The following WWTR1 variants were observed in gnomAD, a reference collection of about 807,000 sequenced individuals.
WWTR1 encodes the protein WW domain-containing transcription regulator protein 1.
WWTR1 carries 13 observed loss-of-function variants against 40.1 expected under a neutral mutation model. The ratio of observed to expected loss-of-function variants is 0.32; its 90% confidence interval spans 0.21 to 0.52. The LOEUF (loss-of-function observed/expected upper bound fraction) is 0.52. Among genes scored for constraint, WWTR1 ranks in the 20% least tolerant of loss-of-function variants. The pLI, the probability that WWTR1 is intolerant of heterozygous loss-of-function variation, is 0.97. For synonymous variants in WWTR1, 230 were observed against 210.1 expected (o/e 1.09, Z -0.82); for missense variants, 436 against 523.1 (o/e 0.83, Z 1.63).
chr3:149,647,300 C>T (rs1359073245), intron 2 of WWTR1, among the ~76,000 whole-genome samples: 7 of 149,968 alleles, frequency 4.7e-5, no homozygotes, highest in Non-Finnish European at 8.9e-5. Flanking sequence ...TCTTTAAAAA[C>T]TTTTTTTTTT....
intron 2 of WWTR1, among the ~76,000 whole-genome samples, chr3:149,634,259 T>A (rs533180235): frequency 3.3e-5 from 5 of 152,206 alleles, no homozygotes; most frequent in Admixed American, 1.3e-4. Flanking sequence ...ACATCAGTTT[T>A]CTGAGCAAAG....
chr3:149,565,114 G>A (rs1737249315), intron 3 of WWTR1, among the ~76,000 whole-genome samples: 1 of 151,014 alleles, frequency 6.6e-6, no homozygotes, highest in African/African-American at 2.4e-5. Flanking sequence ...TTGAACCTGG[G>A]AGGCAGAGGT....
chr3:149,711,979 G>A (rs1408215176), intron 5 of WWTR1, among the ~76,000 whole-genome samples: 1 of 152,078 alleles, frequency 6.6e-6, no homozygotes, highest in Non-Finnish European at 1.5e-5. Context: ...TTAACTTCTT[G>A]AAATCAAAGA....
At chr3:149,569,901 C>T (rs1293177376) in intron 3 of WWTR1, among the ~76,000 whole-genome samples, 1 of 152,142 alleles carries the variant, frequency 6.6e-6, no homozygotes, top group Non-Finnish European at 1.5e-5. Flanking sequence ...CCTCAAACTC[C>T]TATGCCCAAG....
At chr3:149,698,384 C>T (rs984787860) in intron 1 of WWTR1, among the ~76,000 whole-genome samples, 1 of 152,250 alleles carries the variant, frequency 6.6e-6, no homozygotes, top group African/African-American at 2.4e-5. Context: ...GCCTGTTTCA[C>T]TTCTGCCATG....
chr3:149,698,520 G>T (rs1715067429), intron 1 of WWTR1, among the ~76,000 whole-genome samples: 1 of 152,150 alleles, frequency 6.6e-6, no homozygotes, highest in African/African-American at 2.4e-5. Flanking sequence ...TAATACAGTG[G>T]GCCCCCACCA....
intron 4 of WWTR1, among the ~76,000 whole-genome samples, chr3:149,722,400 TTATAAA>T (rs1284027432): frequency 1.2e-4 from 19 of 152,178 alleles, no homozygotes; most frequent in Admixed American, 1.2e-3. Flanking sequence ...TTTGAATTTA[TTATAAA>T]TATTCCCCTT....
intron 3 of WWTR1, among the ~76,000 whole-genome samples, chr3:149,570,973 T>G: frequency 6.6e-6 from 1 of 152,196 alleles, no homozygotes; most frequent in East Asian, 1.9e-4. Context: ...TTAAATAAAC[T>G]AATTATAGCA....
chr3:149,518,339 A>G lies in WWTR1; in HGVS notation c.*2466T>C, dbSNP rs1022680716. The G allele has an allele frequency of 1.2e-4, 19 of 152,164 alleles. No homozygotes were observed. Among genetic ancestry groups the G allele is most frequent in the Non-Finnish European group, 2.5e-4 (17 of 68,018 alleles). 9.4% of individuals were successfully genotyped at this position (152,164 alleles called of 1,614,324 possible). ...ATCAATGATTTACCTACTTTAAAAAAGAGGGGTATCTGTTTCTCTTACATT... is the reference window on the plus strand; with the variant it reads ...ATCAATGATTTACCTACTTTAAAAAGGAGGGGTATCTGTTTCTCTTACATT... On this transcript the variant is annotated 3_prime_UTR_variant, in exon 7 of 7. Transcript: ENST00000360632.
chr3:149,620,746 G>A (rs1740232086), intron 2 of WWTR1, among the ~76,000 whole-genome samples: 1 of 152,108 alleles, frequency 6.6e-6, no homozygotes, highest in Admixed American at 6.6e-5. Context: ...CATCCCATCT[G>A]TCTGGAAACT....
chr3:149,700,222 T>A (rs1237772466), intron 1 of WWTR1, among the ~76,000 whole-genome samples: 2 of 152,108 alleles, frequency 1.3e-5, no homozygotes, highest in East Asian at 3.9e-4. Flanking sequence ...ATCCCAGCAC[T>A]TTGGGAGGCT....
intron 5 of WWTR1, among the ~76,000 whole-genome samples, chr3:149,710,769 G>A (rs1469564131): frequency 2.0e-5 from 3 of 151,632 alleles, no homozygotes; most frequent in Admixed American, 6.6e-5. Flanking sequence ...TAGTAGAGAC[G>A]GGGTTTCACC....
chr3:149,626,635 T>C (rs1358772570), intron 2 of WWTR1, among the ~76,000 whole-genome samples: 1 of 151,940 alleles, frequency 6.6e-6, no homozygotes, highest in African/African-American at 2.4e-5. Context: ...GAGGTAAAAT[T>C]CTACTCCTTT....
intron 3 of WWTR1, among the ~76,000 whole-genome samples, chr3:149,552,896 G>A (rs1007557793): frequency 3.3e-5 from 5 of 152,150 alleles, no homozygotes; most frequent in Non-Finnish European, 7.4e-5. Flanking sequence ...CAGCACCTTT[G>A]ACTGTCTTCT....
intron 2 of WWTR1, among the ~76,000 whole-genome samples, chr3:149,664,936 A>C (rs1322296322): frequency 6.6e-6 from 1 of 152,082 alleles, no homozygotes; most frequent in Non-Finnish European, 1.5e-5. Context: ...TTAGTAATGC[A>C]TTTGGGCTAG....
chr3:149,638,982 T>C (rs553516918), intron 2 of WWTR1, among the ~76,000 whole-genome samples: 1 of 152,316 alleles, frequency 6.6e-6, no homozygotes, highest in East Asian at 1.9e-4. Flanking sequence ...CTGGCATCTC[T>C]GCACATCCAG....
chr3:149,672,141 AC>A (rs1183787409), intron 1 of WWTR1, among the ~76,000 whole-genome samples: 2 of 152,168 alleles, frequency 1.3e-5, no homozygotes, highest in East Asian at 1.9e-4. Context: ...CAAAAAACAA[AC>A]AAACAAACAA....
chr3:149,652,356 G>A (rs1002686141), intron 2 of WWTR1, among the ~76,000 whole-genome samples: 1 of 151,844 alleles, frequency 6.6e-6, no homozygotes, highest in South Asian at 2.1e-4. Flanking sequence ...AGGTGTGGTG[G>A]CTCACACCTG....
At chr3:149,571,418 CGA>C (rs989708495) in intron 3 of WWTR1, among the ~76,000 whole-genome samples, 1 of 152,094 alleles carries the variant, frequency 6.6e-6, no homozygotes, top group African/African-American at 2.4e-5. Flanking sequence ...GATTTCTACA[CGA>C]GCTCCTGTAT....
Sources: allele counts gnomAD v4.1 joint callset (sites outside exome capture counted in the v4.1 genomes callset), GRCh38; gene constraint gnomAD v4.1.1; transcripts MANE v1.5; gene names NCBI Gene and HGNC (gene_info 2026-07-23, HGNC 2026-07-21).